PPM1E: variants seen among roughly 807,000 people sequenced by gnomAD.
PPM1E encodes protein phosphatase, Mg2+/Mn2+ dependent 1E.
Under a neutral mutation model 65.9 loss-of-function variants are expected in PPM1E, and 20 were observed. That is an observed-to-expected ratio of 0.30 (90% CI 0.21 to 0.44). The LOEUF (loss-of-function observed/expected upper bound fraction) is 0.44, where lower values mean the gene tolerates loss of function less well. Among genes scored for constraint, PPM1E ranks in the 20% least tolerant of loss-of-function variants. The pLI is 1.00. For synonymous variants in PPM1E, 352 were observed against 374.9 expected, an observed-to-expected ratio of 0.94 and a Z score of 0.70; for missense variants, 713 against 953.1, an observed-to-expected ratio of 0.75 and a Z score of 3.32.
intron 1 of PPM1E, among the ~76,000 whole-genome samples, chr17:58,937,805 G>A (rs753265145): frequency 1.4e-5 from 2 of 147,650 alleles, no homozygotes; most frequent in Non-Finnish European, 3.0e-5. Flanking sequence ...GCTTGAACCC[G>A]GGAGGTGGAG....
intron 1 of PPM1E, among the ~76,000 whole-genome samples, chr17:58,855,930 C>A (rs1395008717): frequency 6.6e-6 from 1 of 152,106 alleles, no homozygotes; most frequent in East Asian, 1.9e-4. Flanking sequence ...TATTGCTATA[C>A]AGATTTATCA....
rs562575324 is a variant in PPM1E at position 58,894,666 on chromosome 17, A to G, written c.465-60983A>G. Among the ~76,000 whole-genome samples the G allele has an allele frequency of 3.3e-5, 5 of 152,134 alleles. No individual in the cohort carries two copies. The South Asian group carries it at 1.0e-3, about 32-fold the overall frequency. ...TTGATCTTTCCCATGTATATTTTCC[A>G]TATACACACACACATACATATACAC... On this transcript the variant is annotated intron_variant, in intron 1 of 6. Coordinates refer to ENST00000308249, the MANE Select transcript of PPM1E (RefSeq NM_014906.5).
At chr17:58,773,539 T>C (rs1441360439) in intron 1 of PPM1E, among the ~76,000 whole-genome samples, 1 of 152,128 alleles carries the variant, frequency 6.6e-6, no homozygotes, top group Non-Finnish European at 1.5e-5. Context: ...CCAAAAGACA[T>C]TTGGTAATTC....
chr17:58,936,317 C>G (rs1358929046), intron 1 of PPM1E, among the ~76,000 whole-genome samples: 1 of 152,034 alleles, frequency 6.6e-6, no homozygotes, highest in African/African-American at 2.4e-5. Flanking sequence ...CTATGATTAA[C>G]TGGGATGAGG....
chr17:58,984,432 G>A lies in PPM1E; in HGVS notation c.*3401G>A, dbSNP rs1475387694. The A allele has an allele frequency of 6.6e-6, 1 of 152,574 alleles. No individual in the cohort carries two copies. Among genetic ancestry groups the A allele is most frequent in the Non-Finnish European group, 1.5e-5 (1 of 68,032 alleles). 9.5% of individuals were successfully genotyped at this position (152,574 alleles called of 1,614,324 possible). ...TCAAATCCTTGATAAGGCTTTGTGG[G>A]AAAATGATCTAAATTATTGTTTTAA... On this transcript the variant is annotated 3_prime_UTR_variant, in exon 7 of 7. Coordinates refer to ENST00000308249, the MANE Select transcript of PPM1E (RefSeq NM_014906.5).
chr17:58,854,973 G>T (rs2050866729), intron 1 of PPM1E, among the ~76,000 whole-genome samples: 1 of 152,154 alleles, frequency 6.6e-6, no homozygotes, highest in Non-Finnish European at 1.5e-5. Context: ...AACCTCTGCA[G>T]GTACCAGTAT....
At chr17:58,915,056 A>G (rs2051668682) in intron 1 of PPM1E, among the ~76,000 whole-genome samples, 1 of 152,160 alleles carries the variant, frequency 6.6e-6, no homozygotes. Flanking sequence ...GTTACCGGAA[A>G]GGGGTCCCAG....
chr17:58,953,200 A>G (rs2055779), intron 1 of PPM1E, among the ~76,000 whole-genome samples: 96,896 of 152,114 alleles, frequency 0.64, 31,250 homozygotes, highest in African/African-American at 0.71. Context: ...CTATATGCTT[A>G]TCTTAGTCTG....
intron 1 of PPM1E, among the ~76,000 whole-genome samples, chr17:58,836,567 C>T (rs576712022): frequency 9.9e-5 from 15 of 151,060 alleles, no homozygotes; most frequent in Admixed American, 5.2e-4. Context: ...CAGGTTCAAG[C>T]GATTCTTTTG....
chr17:58,756,811 A>T (rs2049772444), intron 1 of PPM1E, among the ~76,000 whole-genome samples: 1 of 152,104 alleles, frequency 6.6e-6, no homozygotes, highest in Non-Finnish European at 1.5e-5. Context: ...TCCTGCCTGG[A>T]AAGGTCCTTC....
intron 1 of PPM1E, among the ~76,000 whole-genome samples, chr17:58,810,905 T>C (rs911664124): frequency 2.0e-5 from 3 of 152,156 alleles, no homozygotes; most frequent in Non-Finnish European, 4.4e-5. Flanking sequence ...TCACCCAGGC[T>C]GGAGTACAGT....
chr17:58,896,295 A>G (rs941726058), intron 1 of PPM1E, among the ~76,000 whole-genome samples: 1 of 152,000 alleles, frequency 6.6e-6, no homozygotes, highest in African/African-American at 2.4e-5. Flanking sequence ...CAGAAGCTTG[A>G]GAAGTCTGGC....
At chr17:58,780,315 C>G (rs1361238715) in intron 1 of PPM1E, among the ~76,000 whole-genome samples, 2 of 152,176 alleles carry the variant, frequency 1.3e-5, no homozygotes, top group East Asian at 3.8e-4. Flanking sequence ...TCGAGACCAG[C>G]CTGGGCAACA....
intron 1 of PPM1E, among the ~76,000 whole-genome samples, chr17:58,875,350 A>C (rs1394477299): frequency 6.6e-6 from 1 of 152,216 alleles, no homozygotes; most frequent in Non-Finnish European, 1.5e-5. Flanking sequence ...AGAAATGTGT[A>C]AAAAATGAGT....
At chr17:58,935,061 G>A (rs1178582270) in intron 1 of PPM1E, among the ~76,000 whole-genome samples, 4 of 151,924 alleles carry the variant, frequency 2.6e-5, no homozygotes, top group Admixed American at 6.6e-5. Flanking sequence ...GACCAGCCTG[G>A]CCAACACAGT....
chr17:58,981,074 T>C lies in PPM1E; in HGVS notation c.*43T>C, dbSNP rs751381258. Reference sequence around the variant, plus strand: ...TTAGCTAGCTCTCCCCCAATAAAAATACCACTATCAGAGTAGAAACAAGGT... The same window carrying C: ...TTAGCTAGCTCTCCCCCAATAAAAACACCACTATCAGAGTAGAAACAAGGT... On this transcript the variant is annotated 3_prime_UTR_variant, in exon 7 of 7. Coordinates refer to ENST00000308249, the MANE Select transcript of PPM1E (RefSeq NM_014906.5). The C allele has an allele frequency of 1.5e-6, 2 of 1,356,296 alleles. No individual in the cohort carries two copies. Among genetic ancestry groups the C allele is most frequent in the South Asian group, 1.4e-5 (1 of 72,504 alleles). 84.0% of individuals were successfully genotyped at this position (1,356,296 alleles called of 1,614,324 possible).
chr17:58,801,002 T>C (rs1448251062), intron 1 of PPM1E, among the ~76,000 whole-genome samples: 1 of 152,186 alleles, frequency 6.6e-6, no homozygotes, highest in Non-Finnish European at 1.5e-5. Flanking sequence ...ATTTTTAATT[T>C]AATTCTGCTG....
Position 58,980,436 on chromosome 17 carries a change from G to C in PPM1E, c.1673G>C (p.Gly558Ala). 5.6e-6 allele frequency: 9 copies of C among 1,614,054 alleles called. No homozygotes were observed. The highest frequency in any genetic ancestry group is 7.6e-6 in the Non-Finnish European group (9 of 1,180,016). The change falls in exon 7 of 7, where the codon GGG becomes GCG. Residue 558 changes from glycine (G) to alanine (A), a missense_variant. Around this residue, in one of 6 missense-constraint regions of PPM1E, gnomAD observed 286 missense variants for 313.8 expected, o/e 0.91. Transcript: ENST00000308249. This position sits in a 1 kb window ranked among gnomAD's most constrained non-coding sequence, Gnocchi z 4.7. ...ACTGATAGAACTAGCCTGAGCCCAG[G>C]GTCCCAAATCAACGTGCTGGAAGAC... ...SFTDRTSLSP[G>A]SQINVLEDPG...
At chr17:58,775,992 G>A (rs867098432) in intron 1 of PPM1E, among the ~76,000 whole-genome samples, 2 of 145,748 alleles carry the variant, frequency 1.4e-5, no homozygotes, top group Non-Finnish European at 3.0e-5. Context: ...TCCCATTTTT[G>A]GTGTTTGTGA....
Sources: allele counts gnomAD v4.1 joint callset (sites outside exome capture counted in the v4.1 genomes callset), GRCh38; gene constraint gnomAD v4.1.1; regional missense constraint gnomAD v4.1.1; non-coding constraint Gnocchi (gnomAD v3.1); transcripts MANE v1.5; gene names NCBI Gene and HGNC (gene_info 2026-07-23, HGNC 2026-07-21).